The following PTPRN2 variants were observed in gnomAD, a reference collection of about 807,000 sequenced individuals.
The protein encoded by PTPRN2 is protein tyrosine phosphatase receptor type N2.
A neutral mutation model predicts 118.8 loss-of-function variants in PTPRN2; 74 were observed. The observed-to-expected ratio is 0.62, with a 90% CI of 0.52 to 0.76. PTPRN2 has a LOEUF of 0.76. Ranked by LOEUF, PTPRN2 falls within the 30% of genes least tolerant of loss-of-function variation. The pLI, the probability that PTPRN2 is intolerant of heterozygous loss-of-function variation, is 0.00. For synonymous variants in PTPRN2, 641 were observed against 608.0 expected, an observed-to-expected ratio of 1.05 and a Z score of -0.80; for missense variants, 1,481 against 1,394.4, an observed-to-expected ratio of 1.06 and a Z score of -0.99.
At chr7:158,142,445 CTG>C (rs1166999970) in intron 6 of PTPRN2, among the ~76,000 whole-genome samples, 3 of 152,252 alleles carry the variant, frequency 2.0e-5, no homozygotes, top group South Asian at 4.1e-4. Flanking sequence ...AAGTAACAAA[CTG>C]TTGTTTCAAC....
At chr7:157,718,414 A>C (rs1799037804) in intron 12 of PTPRN2, among the ~76,000 whole-genome samples, 1 of 152,212 alleles carries the variant, frequency 6.6e-6, no homozygotes, top group East Asian at 1.9e-4. Context: ...CTGGAGGCAC[A>C]GTCTGATTCT....
At chr7:158,372,476 A>G (rs560122324) in intron 2 of PTPRN2, among the ~76,000 whole-genome samples, 18 of 131,264 alleles carry the variant, frequency 1.4e-4, no homozygotes, top group East Asian at 1.0e-3. Context: ...GATCCCCCCA[A>G]TGCTGGTCCC....
At chr7:157,544,250 C>T (rs149049853) in intron 22 of PTPRN2, among the ~76,000 whole-genome samples, 8 of 152,232 alleles carry the variant, frequency 5.3e-5, no homozygotes, top group African/African-American at 1.9e-4. Flanking sequence ...AAGTGGGCTG[C>T]GGGCCTGGAG....
rs1563555439 is a variant in PTPRN2, at chr7:158,171,290, CACACATATAT to C, written c.550-4009_550-4000del. Among the ~76,000 whole-genome samples the C allele has an allele frequency of 3.2e-4, 19 of 59,880 alleles. 2 individuals carry two copies. Among genetic ancestry groups the C allele is most frequent in the African/African-American group, 1.9e-3 (16 of 8,530 alleles). 39.3% of individuals were successfully genotyped at this position (59,880 alleles called of 152,430 possible). On this transcript the variant is annotated intron_variant, in intron 5 of 22. Coordinates refer to ENST00000389418, the MANE Select transcript of PTPRN2 (RefSeq NM_002847.5). ...ACACATATATACACACATATATATACACACATATATATACACACATATATATATATATATA... is the reference window on the plus strand; with the variant it reads ...ACACATATATACACACATATATATACATACACACATATATATATATATATA...
intron 5 of PTPRN2, among the ~76,000 whole-genome samples, chr7:158,168,047 A>G (rs1340502489): frequency 6.6e-6 from 1 of 152,224 alleles, no homozygotes; most frequent in African/African-American, 2.4e-5. Context: ...CTCGACATTT[A>G]ACTGACTGAG....
At chr7:158,269,716 A>C (rs764712183) in intron 3 of PTPRN2, among the ~76,000 whole-genome samples, 3 of 152,058 alleles carry the variant, frequency 2.0e-5, no homozygotes, top group Non-Finnish European at 2.9e-5. Context: ...GACGGCTGGG[A>C]CCAAGAGACA....
chr7:158,481,872 G>A (rs192298628), intron 2 of PTPRN2, among the ~76,000 whole-genome samples: 11 of 152,316 alleles, frequency 7.2e-5, no homozygotes, highest in East Asian at 3.9e-4. Context: ...AAAATTCACC[G>A]TTCTAGATGC....
At chr7:158,390,502 G>A (rs754958558) in intron 2 of PTPRN2, among the ~76,000 whole-genome samples, 4 of 152,248 alleles carry the variant, frequency 2.6e-5, no homozygotes, top group East Asian at 1.9e-4. Context: ...CAGGCACCCC[G>A]ACCCCATCCC....
intron 12 of PTPRN2, among the ~76,000 whole-genome samples, chr7:157,860,002 T>C (rs55825358): frequency 6.8e-6 from 1 of 146,254 alleles, no homozygotes; most frequent in Admixed American, 6.8e-5. Context: ...CCCACACTCC[T>C]GCAGGGAGAG....
chr7:157,984,447 ACCCC>A (rs1246888657), intron 11 of PTPRN2, among the ~76,000 whole-genome samples: 1 of 4,416 alleles, frequency 2.3e-4, no homozygotes, highest in Non-Finnish European at 4.1e-4. Flanking sequence ...GCCAGGCTCC[ACCCC>A]CCCCACGCCA....
intron 12 of PTPRN2, among the ~76,000 whole-genome samples, chr7:157,697,679 A>T (rs1307387319): frequency 6.7e-6 from 1 of 148,430 alleles, no homozygotes; most frequent in African/African-American, 2.5e-5. Flanking sequence ...CCGTCTACCC[A>T]TGCATACTGG....
intron 2 of PTPRN2, among the ~76,000 whole-genome samples, chr7:158,327,220 C>G (rs562788293): frequency 1.3e-5 from 2 of 151,202 alleles, no homozygotes; most frequent in African/African-American, 2.5e-5. Flanking sequence ...CAAACACACA[C>G]GTAAACATTC....
intron 12 of PTPRN2, among the ~76,000 whole-genome samples, chr7:157,700,681 T>C (rs921842068): frequency 6.6e-6 from 1 of 152,094 alleles, no homozygotes; most frequent in Non-Finnish European, 1.5e-5. Flanking sequence ...TCCCTGAAAA[T>C]TCCACCAACC....
intron 12 of PTPRN2, among the ~76,000 whole-genome samples, chr7:157,748,628 GAT>G (rs1160805932): frequency 1.1e-4 from 16 of 147,292 alleles, no homozygotes; most frequent in East Asian, 4.1e-4. Context: ...CTGTTGACGT[GAT>G]TCTGATGCCT....
chr7:157,584,692 A>C (rs1800575667), intron 17 of PTPRN2, among the ~76,000 whole-genome samples: 1 of 152,388 alleles, frequency 6.6e-6, no homozygotes, highest in East Asian at 1.9e-4. Context: ...CTTATAAAGA[A>C]GATGCAGCTA....
intron 1 of PTPRN2, among the ~76,000 whole-genome samples, chr7:158,507,686 G>A (rs925986933): frequency 1.4e-4 from 20 of 144,336 alleles, no homozygotes; most frequent in African/African-American, 1.6e-4. Context: ...ACAGCCCTGC[G>A]CTGGGCGGGA....
At chr7:158,581,037 G>A (rs1238686613) in intron 1 of PTPRN2, among the ~76,000 whole-genome samples, 2 of 152,348 alleles carry the variant, frequency 1.3e-5, no homozygotes, top group East Asian at 3.9e-4. Flanking sequence ...AGGTTGAGAA[G>A]CTTCTAAGAG....
At position 158,060,344 on chromosome 7, in the gene PTPRN2, TCCC is replaced by T. The variant is rs1430063474; in HGVS notation, c.1723+20951_1723+20953del. Among the ~76,000 whole-genome samples, 561 of 151,740 alleles carry T rather than the reference TCCC, an allele frequency of 3.7e-3. 6 individuals carry two copies. The highest frequency in any genetic ancestry group is 0.013 in the African/African-American group (525 of 41,158). On this transcript the variant is annotated intron_variant, in intron 11 of 22. Coordinates refer to ENST00000389418, the MANE Select transcript of PTPRN2 (RefSeq NM_002847.5). Reference sequence around the variant, plus strand: ...TGACACATCAGTGCAGGGTAGAAACTCCCCCATCTCCCATGCAGCCCCCAGCGG... The same window carrying T: ...TGACACATCAGTGCAGGGTAGAAACTCCATCTCCCATGCAGCCCCCAGCGG...
chr7:157,830,773 G>C (rs1032192735), intron 12 of PTPRN2, among the ~76,000 whole-genome samples: 3 of 152,214 alleles, frequency 2.0e-5, no homozygotes, highest in Admixed American at 2.0e-4. Flanking sequence ...AAGAAAATCC[G>C]AGATGTCACA....
Sources: allele counts gnomAD v4.1 joint callset (sites outside exome capture counted in the v4.1 genomes callset), GRCh38; gene constraint gnomAD v4.1.1; transcripts MANE v1.5; gene names NCBI Gene and HGNC (gene_info 2026-07-23, HGNC 2026-07-21).